EBF3: variants seen among roughly 807,000 people sequenced by gnomAD.
EBF3 encodes EBF transcription factor 3.
EBF3 carries 18 observed loss-of-function variants against 77.1 expected under a neutral mutation model. The ratio of observed to expected loss-of-function variants is 0.23; its 90% confidence interval spans 0.16 to 0.35. The LOEUF is 0.35. Among genes scored for constraint, EBF3 ranks in the 10% least tolerant of loss-of-function variants. The probability of loss-of-function intolerance (pLI) is 1.00; values close to 1 mark genes in which losing one functional copy is unlikely to be tolerated. For synonymous variants in EBF3, 350 were observed against 343.5 expected, an observed-to-expected ratio of 1.02 and a Z score of -0.21; for missense variants, 558 against 860.0, an observed-to-expected ratio of 0.65 and a Z score of 4.39.
At chr10:129,919,885 G>A (rs1011166799) in intron 6 of EBF3, among the ~76,000 whole-genome samples, 2 of 152,154 alleles carry the variant, frequency 1.3e-5, no homozygotes, top group African/African-American at 4.8e-5. Context: ...GGCACCTGTA[G>A]ATGCCCCAGA....
At chr10:129,875,667 A>C (rs1852726670) in intron 7 of EBF3, among the ~76,000 whole-genome samples, 1 of 152,208 alleles carries the variant, frequency 6.6e-6, no homozygotes, top group African/African-American at 2.4e-5. Flanking sequence ...AGAACCTCAA[A>C]AGGTTATAAG....
At chr10:129,895,795 T>C (rs113987320) in intron 6 of EBF3, among the ~76,000 whole-genome samples, 203 of 152,310 alleles carry the variant, frequency 1.3e-3, no homozygotes, top group African/African-American at 4.7e-3. Context: ...TGACACAGAT[T>C]ATTTCTCTGC....
rs1468011733 is a variant in EBF3 at position 129,897,032 on chromosome 10, C to T, written c.555-19183G>A. On this transcript the variant is annotated intron_variant, in intron 6 of 16. Transcript: ENST00000440978. The surrounding 1 kb of genome is among the most constrained non-coding windows in gnomAD (Gnocchi z 4.6). The stretch of plus-strand genomic sequence containing the variant: ...CTAATCAAGCATCGAGGACAGGCAC[C>T]GCCAGCCTGATTGCCAGCCATGGCC... Among the ~76,000 whole-genome samples, 4 of 152,230 alleles carry T rather than the reference C, an allele frequency of 2.6e-5. No individual in the cohort carries two copies. The highest frequency in any genetic ancestry group is 4.8e-5 in the African/African-American group (2 of 41,468).
At chr10:129,884,409 T>C (rs1853425612) in intron 6 of EBF3, among the ~76,000 whole-genome samples, 1 of 152,188 alleles carries the variant, frequency 6.6e-6, no homozygotes, top group African/African-American at 2.4e-5. Flanking sequence ...TCTTTTTCTC[T>C]CACTCCTGCC....
In EBF3 at chr10:129,837,927, C is replaced by T. The variant is rs1849710756; in HGVS notation, c.*16G>A. The T allele has an allele frequency of 1.9e-6, 3 of 1,614,096 alleles. No individual in the cohort carries two copies. The highest frequency in any genetic ancestry group is 1.1e-5 in the South Asian group (1 of 91,080). On this transcript the variant is annotated 3_prime_UTR_variant, in exon 17 of 17. Coordinates refer to ENST00000440978, the MANE Select transcript of EBF3 (RefSeq NM_001375380.1). ...GTGCTGCGGAAGGTAAACAGAAGTC[C>T]CTCACATTGGCGGGACTACCAGCCC... is the stretch of plus-strand genomic sequence containing the variant.
chr10:129,924,430 C>CAAAAAAAAAAAAA (rs956215243), intron 6 of EBF3, among the ~76,000 whole-genome samples: 6 of 108,448 alleles, frequency 5.5e-5, no homozygotes, highest in Admixed American at 2.0e-4. Context: ...ACAACAACAA[C>CAAAAAAAAAAAAA]AAAAAAAAAA....
chr10:129,958,767 AGCGCGGGCTCCTCCGCGGCCCGGC>A (rs1207191735), intron 5 of EBF3, among the ~76,000 whole-genome samples, 143 bp downstream of exon 5: 2 of 152,228 alleles, frequency 1.3e-5, no homozygotes, highest in Non-Finnish European at 2.9e-5. Context: ...GGGGGGAAGG[AGCGCGGGCTCCTCCGCGGCCCGGC>A]GCGCGGCCTC....
intron 14 of EBF3, 75 bp from the exon 15 acceptor site, chr10:129,840,517 C>T (rs1468016332): frequency 1.3e-6 from 2 of 1,487,040 alleles, no homozygotes; most frequent in Admixed American, 2.0e-5. Flanking sequence ...AAAGGCCTCG[C>T]CTCGGACGGG....
chr10:129,884,837 G>A (rs1345603730), intron 6 of EBF3, among the ~76,000 whole-genome samples: 1 of 152,186 alleles, frequency 6.6e-6, no homozygotes, highest in African/African-American at 2.4e-5. Context: ...TTTGTCTGGG[G>A]ATTCTGGCTC....
rs190341809 is a variant in EBF3, at chr10:129,937,173, T to G, written c.554+20085A>C. 2.4e-3 allele frequency among the ~76,000 whole-genome samples: 369 copies of G among 152,074 alleles called. 1 individual carries two copies. Among genetic ancestry groups the G allele is most frequent in the African/African-American group, 7.8e-3 (325 of 41,502 alleles). On this transcript the variant is annotated intron_variant, in intron 6 of 16. Transcript: ENST00000440978. The stretch of plus-strand genomic sequence containing the variant: ...GGAACAAGATCCCTGAGTCTACAAC[T>G]GGGATCAGATGGGTGGGACAACCAC...
rs745847658 is a variant in EBF3 at position 129,864,998 on chromosome 10, A to G, written c.1039+2143T>C. Among the ~76,000 whole-genome samples the G allele has an allele frequency of 3.3e-5, 5 of 152,208 alleles. No homozygotes were observed. The highest frequency in any genetic ancestry group is 7.2e-5 in the African/African-American group (3 of 41,436). On this transcript the variant is annotated intron_variant, in intron 10 of 16. Transcript: ENST00000440978. The surrounding 1 kb of genome is among the most constrained non-coding windows in gnomAD (Gnocchi z 4.4). ...CAGATAGAGCAGAGGAGAAATTGGG[A>G]CCACAGGAGTAAGCATATGCCCAGG...
In EBF3 at chr10:129,861,666, A is replaced by C. The variant is rs980660851; in HGVS notation, c.1039+5475T>G. Among the ~76,000 whole-genome samples the C allele has an allele frequency of 7.2e-5, 11 of 152,264 alleles. No homozygotes were observed. The highest frequency in any genetic ancestry group is 1.5e-4 in the Non-Finnish European group (10 of 68,010). Reference sequence around the variant, plus strand: ...GGGCCCACTGCAGACAGGAACGAACAGTCAGCCACGGGGGGCCCCTGGCCA... The same window carrying C: ...GGGCCCACTGCAGACAGGAACGAACCGTCAGCCACGGGGGGCCCCTGGCCA... On this transcript the variant is annotated intron_variant, in intron 10 of 16. Transcript: ENST00000440978. This position sits in a 1 kb window ranked among gnomAD's most constrained non-coding sequence, Gnocchi z 4.3.
Position 129,963,484 on chromosome 10 carries a change from C to A in EBF3, c.174G>T (p.Pro58=), listed in dbSNP as rs754606117. 6.3e-7 allele frequency: 1 copy of A among 1,579,716 alleles called. No homozygotes were observed. The part of the protein sequence containing the change: ...GLARAHFEKQ[P]PSNLRKSNFF... Reference sequence around the variant, plus strand: ...AATTGGATTTCCGGAGGTTGGAAGGCGGCTGCTTCTCGAAGTGCGCCCGCG... The same window carrying A: ...AATTGGATTTCCGGAGGTTGGAAGGAGGCTGCTTCTCGAAGTGCGCCCGCG... Residue 58 remains proline, a synonymous_variant, in exon 2 of 17, where the codon CCG becomes CCT. Coordinates refer to ENST00000440978, the MANE Select transcript of EBF3 (RefSeq NM_001375380.1). This position sits in a 1 kb window ranked among gnomAD's most constrained non-coding sequence, Gnocchi z 7.1.
chr10:129,956,478 T>G (rs1039776598), intron 6 of EBF3, among the ~76,000 whole-genome samples: 5 of 151,850 alleles, frequency 3.3e-5, no homozygotes, highest in African/African-American at 1.2e-4. Context: ...ACCCAGCGAG[T>G]TGGGAGAGGG....
At chr10:129,874,260 G>A (rs2134111506) in intron 7 of EBF3, among the ~76,000 whole-genome samples, 1 of 152,252 alleles carries the variant, frequency 6.6e-6, no homozygotes, top group African/African-American at 2.4e-5. Flanking sequence ...GTATGCCAAG[G>A]GAATGTCCTC....
rs1463851176 is a variant in EBF3, at chr10:129,842,561, C to T, written c.1195-268G>A. On this transcript the variant is annotated intron_variant, in intron 12 of 16. Transcript: ENST00000440978. This position sits in a 1 kb window ranked among gnomAD's most constrained non-coding sequence, Gnocchi z 4.4. ...GGCGGATCATCTGAGGTCAGGAGTTCAAGACCAGCCTGGCCAACATGGCGA... is the reference window on the plus strand; with the variant it reads ...GGCGGATCATCTGAGGTCAGGAGTTTAAGACCAGCCTGGCCAACATGGCGA... Among the ~76,000 whole-genome samples, 1 of 152,110 alleles carries T rather than the reference C, an allele frequency of 6.6e-6. No homozygotes were observed. The highest frequency in any genetic ancestry group is 2.4e-5 in the African/African-American group (1 of 41,420).
chr10:129,851,064 T>C (rs1850845617), intron 10 of EBF3, among the ~76,000 whole-genome samples: 1 of 152,176 alleles, frequency 6.6e-6, no homozygotes, highest in Admixed American at 6.5e-5. Context: ...ACTGGGTAAT[T>C]ATGAGGGGGA....
chr10:129,878,108 C>T (rs774403166), intron 6 of EBF3, among the ~76,000 whole-genome samples: 3 of 152,120 alleles, frequency 2.0e-5, no homozygotes, highest in South Asian at 2.1e-4. Flanking sequence ...CTGCGACTTT[C>T]GCATTGGCAT....
intron 6 of EBF3, among the ~76,000 whole-genome samples, chr10:129,888,154 T>C (rs1466815750): frequency 1.3e-5 from 2 of 152,216 alleles, no homozygotes; most frequent in East Asian, 1.9e-4. Flanking sequence ...GCAGCGAGCA[T>C]GCGTCACGCC....
Sources: gnomAD v4.1 joint callset for allele counts (sites outside exome capture counted in the v4.1 genomes callset) on GRCh38, gnomAD v4.1.1 for gene constraint, Gnocchi (gnomAD v3.1) non-coding constraint, MANE v1.5 for transcripts, NCBI Gene and HGNC (gene_info 2026-07-23, HGNC 2026-07-21) for gene names.